ANKRD11: variants seen among roughly 807,000 people sequenced by gnomAD.
The protein encoded by ANKRD11 is ankyrin repeat domain-containing protein 11.
In ANKRD11, 17 loss-of-function variants were observed where a neutral mutation model predicts 195.7. The ratio of observed to expected loss-of-function variants is 0.09; its 90% CI spans 0.06 to 0.13. ANKRD11 has a LOEUF of 0.13. Among genes scored for constraint, ANKRD11 ranks in the 10% least tolerant of loss-of-function variants. ANKRD11 has a pLI of 1.00. For synonymous variants in ANKRD11, 1,953 were observed against 1,528.1 expected (o/e 1.28, Z -6.49); for missense variants, 3,735 against 3,566.1 (o/e 1.05, Z -1.21).
chr16:89,428,189 C>T (rs953083959), intron 1 of ANKRD11, among the ~76,000 whole-genome samples: 4 of 151,138 alleles, frequency 2.6e-5, no homozygotes, highest in Non-Finnish European at 5.9e-5. Flanking sequence ...GCCTAGGCAG[C>T]AGAGCAAGAC....
At position 89,279,805 on chromosome 16, in the gene ANKRD11, G is replaced by T. The variant is rs1381182295; in HGVS notation, c.6737C>A (p.Pro2246Gln). Reference sequence around the variant, plus strand: ...TCCGCTCCCCAGTGGGCGCTGTTCTGGGGGAACGGGCGCGGGCTCCACGCT... The same window carrying T: ...TCCGCTCCCCAGTGGGCGCTGTTCTTGGGGAACGGGCGCGGGCTCCACGCT... ...DSSVEPAPVP[P>Q]EQRPLGSGDQ... Residue 2246 changes from proline to glutamine, a missense_variant, in exon 9 of 13, where the codon CCA becomes CAA. By Grantham distance (76) the Pro-to-Gln change is moderately conservative. Coordinates refer to ENST00000301030, the MANE Select transcript of ANKRD11 (RefSeq NM_013275.6). The surrounding 1 kb of genome is among the most constrained non-coding windows in gnomAD (Gnocchi z 5.6). The T allele has an allele frequency of 1.9e-6, 3 of 1,541,196 alleles. No homozygotes were observed. Among genetic ancestry groups the T allele is most frequent in the Non-Finnish European group, 2.6e-6 (3 of 1,147,152 alleles).
intron 1 of ANKRD11, among the ~76,000 whole-genome samples, chr16:89,444,101 G>A (rs1232009394): frequency 1.3e-5 from 2 of 152,004 alleles, no homozygotes; most frequent in East Asian, 1.9e-4. Context: ...AACTCACTTC[G>A]GTATTTTACA....
intron 2 of ANKRD11, among the ~76,000 whole-genome samples, chr16:89,398,306 T>C (rs905296063): frequency 1.4e-5 from 2 of 142,980 alleles, no homozygotes; most frequent in African/African-American, 2.7e-5. Context: ...GAGGCTGACA[T>C]GAGGGACACT....
At chr16:89,424,872 C>G (rs370596280) in intron 1 of ANKRD11, among the ~76,000 whole-genome samples, 202 of 152,246 alleles carry the variant, frequency 1.3e-3, no homozygotes, top group African/African-American at 4.7e-3. Flanking sequence ...TCAAATCAAT[C>G]AATCTCTCTC....
intron 3 of ANKRD11, among the ~76,000 whole-genome samples, chr16:89,307,105 C>T (rs574694967): frequency 1.3e-5 from 2 of 152,070 alleles, no homozygotes; most frequent in East Asian, 3.9e-4. Context: ...GGGGACGGTG[C>T]GACACACACA....
At chr16:89,487,262 T>C (rs2152382791) in intron 1 of ANKRD11, among the ~76,000 whole-genome samples, 1 of 152,268 alleles carries the variant, frequency 6.6e-6, no homozygotes, top group East Asian at 1.9e-4. Context: ...CACTCACCCA[T>C]TACACTTACG....
intron 2 of ANKRD11, among the ~76,000 whole-genome samples, chr16:89,344,766 G>A (rs1387232289): frequency 2.0e-5 from 3 of 151,656 alleles, no homozygotes; most frequent in Non-Finnish European, 4.4e-5. Flanking sequence ...GGAGCACAGC[G>A]GAGGGCCAGA....
chr16:89,314,086 T>G (rs1393031543), intron 3 of ANKRD11, among the ~76,000 whole-genome samples: 2 of 152,120 alleles, frequency 1.3e-5, no homozygotes, highest in African/African-American at 2.4e-5. Flanking sequence ...GAGCCGGGTG[T>G]AGCGGTCTGC....
chr16:89,292,342 C>T lies in ANKRD11; in HGVS notation c.227-1159G>A, dbSNP rs118074249. 4.5e-4 allele frequency among the ~76,000 whole-genome samples: 69 copies of T among 152,280 alleles called. 1 individual carries two copies. In the East Asian group the frequency reaches 0.012, roughly 27 times the overall value. ...GGACTAACTGGATCCCACACCTGCCCGGTCACTGGAACACAGAACGGTCTT... is the reference window on the plus strand; with the variant it reads ...GGACTAACTGGATCCCACACCTGCCTGGTCACTGGAACACAGAACGGTCTT... On this transcript the variant is annotated intron_variant, in intron 4 of 12. Coordinates refer to ENST00000301030, the MANE Select transcript of ANKRD11 (RefSeq NM_013275.6).
At chr16:89,324,395 C>T (rs115071747) in intron 2 of ANKRD11, 38 of 568,892 alleles carry the variant, frequency 6.7e-5, no homozygotes, top group Middle Eastern at 3.0e-4. Context: ...AAGTTCTCAG[C>T]TTCGTTAGTC....
chr16:89,334,245 C>T (rs1013760708), intron 2 of ANKRD11, among the ~76,000 whole-genome samples: 2 of 151,426 alleles, frequency 1.3e-5, no homozygotes, highest in African/African-American at 2.4e-5. Context: ...TGATGCCTGG[C>T]CTAGCCCTCA....
intron 2 of ANKRD11, among the ~76,000 whole-genome samples, chr16:89,353,274 G>A (rs754996315): frequency 1.3e-5 from 2 of 151,720 alleles, no homozygotes; most frequent in African/African-American, 2.4e-5. Flanking sequence ...CTCAGGAGGC[G>A]GAGGTTGCAG....
intron 3 of ANKRD11, among the ~76,000 whole-genome samples, chr16:89,314,948 G>A (rs1262886029): frequency 6.6e-6 from 1 of 152,104 alleles, no homozygotes; most frequent in African/African-American, 2.4e-5. Context: ...GACCCTCAAG[G>A]GCACAACCCA....
intron 2 of ANKRD11, among the ~76,000 whole-genome samples, chr16:89,359,839 C>G (rs2039654606): frequency 6.6e-6 from 1 of 152,156 alleles, no homozygotes; most frequent in African/African-American, 2.4e-5. Flanking sequence ...GTAAAAGCTA[C>G]AAAACCCTAA....
intron 9 of ANKRD11, among the ~76,000 whole-genome samples, chr16:89,275,755 C>G (rs1254366817): frequency 6.6e-6 from 1 of 152,204 alleles, no homozygotes; most frequent in Non-Finnish European, 1.5e-5. Context: ...CACTGCACTC[C>G]CACCAGCAGA....
At chr16:89,481,029 T>C (rs181972313) in intron 1 of ANKRD11, among the ~76,000 whole-genome samples, 1 of 152,306 alleles carries the variant, frequency 6.6e-6, no homozygotes, top group East Asian at 1.9e-4. Context: ...AGCACCCAGC[T>C]TCTGCCCCAC....
chr16:89,386,707 G>A (rs113557022), intron 2 of ANKRD11, among the ~76,000 whole-genome samples: 3,084 of 152,298 alleles, frequency 0.02, 95 homozygotes, highest in African/African-American at 0.07. Flanking sequence ...ACGCTTATAA[G>A]CTACTCAAGT....
chr16:89,335,867 A>G (rs2038325737), intron 2 of ANKRD11, among the ~76,000 whole-genome samples: 2 of 152,150 alleles, frequency 1.3e-5, no homozygotes, highest in Non-Finnish European at 1.5e-5. Flanking sequence ...AAGGGCTAGG[A>G]GAAACGCAGG....
At chr16:89,293,909 C>A (rs1035061578) in intron 4 of ANKRD11, among the ~76,000 whole-genome samples, 1 of 152,164 alleles carries the variant, frequency 6.6e-6, no homozygotes, top group Non-Finnish European at 1.5e-5. Context: ...AGTCTTTAGG[C>A]TGGCAGGCCA....
Sources: allele counts gnomAD v4.1 joint callset (sites outside exome capture counted in the v4.1 genomes callset), GRCh38; gene constraint gnomAD v4.1.1; non-coding constraint Gnocchi (gnomAD v3.1); transcripts MANE v1.5; gene names NCBI Gene and HGNC (gene_info 2026-07-23, HGNC 2026-07-21).